Variants in RADX observed in about 807,000 individuals in gnomAD.
RADX encodes the protein RPA-related protein RADX.
RADX carries 36 observed loss-of-function variants against 61.6 expected under a neutral mutation model. That is an observed-to-expected ratio of 0.58 (90% confidence interval 0.45 to 0.77). The LOEUF (loss-of-function observed/expected upper bound fraction) is 0.77, where lower values mean the gene tolerates loss of function less well. RADX is among the 30% of genes least tolerant of loss of function. The pLI is 0.00. For missense variants in RADX, 497 were observed against 651.1 expected (o/e 0.76, Z 2.58); for synonymous variants, 272 against 237.9 (o/e 1.14, Z -1.32).
chrX:106,649,827 T>C (rs189639528), intron 11 of RADX, among the ~76,000 whole-genome samples: 35 of 111,395 alleles, frequency 3.1e-4, no homozygotes, highest in African/African-American at 1.1e-3. Flanking sequence ...TGCCTTATGG[T>C]AAATCTGGCC....
chrX:106,678,427 T>C lies in RADX; in HGVS notation c.*169T>C. 1 of 340,716 alleles carries C rather than the reference T, an allele frequency of 2.9e-6. No homozygotes were observed. Among genetic ancestry groups the C allele is most frequent in the Non-Finnish European group, 5.1e-6 (1 of 196,482 alleles). 28.1% of individuals were successfully genotyped at this position (340,716 alleles called of 1,213,427 possible). ...GTGTTTAGGGAGCTTTTTAAAACAC[T>C]TCATTTCAGATTCATTATTGAAAAA... On this transcript the variant is annotated 3_prime_UTR_variant, in exon 14 of 14. Transcript: ENST00000372548.
chrX:106,674,944 A>G (rs1928469595), intron 13 of RADX, among the ~76,000 whole-genome samples: 1 of 108,917 alleles, frequency 9.2e-6, no homozygotes, highest in Admixed American at 9.8e-5. Flanking sequence ...GAATTGCTTG[A>G]ACCCGGGAGG....
At chrX:106,617,020 GTTTTTTTTTTT>G (rs60413185) in intron 1 of RADX, among the ~76,000 whole-genome samples, 3 of 54,544 alleles carry the variant, frequency 5.5e-5, no homozygotes, top group African/African-American at 2.6e-4. Context: ...GTGTGTGTGG[GTTTTTTTTTTT>G]TTTTTTTTTT....
chrX:106,638,351 C>T (rs1472169873), intron 8 of RADX: 1 of 114,681 alleles, frequency 8.7e-6, no homozygotes, highest in Non-Finnish European at 1.8e-5. Context: ...CAAGCTCCGC[C>T]TCCCGGGTTC....
intron 13 of RADX, among the ~76,000 whole-genome samples, chrX:106,671,019 G>A (rs1251304952): frequency 9.0e-6 from 1 of 111,045 alleles, no homozygotes; most frequent in African/African-American, 3.3e-5. Context: ...GTACACAAAG[G>A]TACCAGGTAA....
chrX:106,662,079 G>A lies in RADX; in HGVS notation c.2043G>A (p.Glu681=). ...KARKTISDRW[E]SQLWREKKFG... ...GAAAAACTATAAGTGATAGGTGGGA[G>A]AGTCAGCTGTGGAGAGAGAAAAAGT... The change falls in exon 12 of 14, where the codon GAG becomes GAA. Residue 681 remains glutamate (E), a synonymous_variant. Coordinates refer to ENST00000372548, the MANE Select transcript of RADX (RefSeq NM_018015.6). 8.3e-7 allele frequency: 1 copy of A among 1,210,110 alleles called. No homozygotes were observed. Among genetic ancestry groups the A allele is most frequent in the Non-Finnish European group, 1.1e-6 (1 of 894,332 alleles).
At chrX:106,667,517 G>C (rs1928258689) in intron 12 of RADX, among the ~76,000 whole-genome samples, 1 of 109,464 alleles carries the variant, frequency 9.1e-6, no homozygotes, top group African/African-American at 3.3e-5. Context: ...TAGAGACAGG[G>C]TTTCACCATG....
intron 1 of RADX, among the ~76,000 whole-genome samples, chrX:106,622,336 T>C (rs193121850): frequency 3.1e-4 from 34 of 109,680 alleles, no homozygotes; most frequent in African/African-American, 1.1e-3. Context: ...GGGAGGTGAG[T>C]TTAAATCCAG....
Position 106,638,050 on chromosome X carries a change from C to T in RADX, c.1573+126C>T, listed in dbSNP as rs767842984. On this transcript the variant is annotated intron_variant, in intron 8 of 13. Coordinates refer to ENST00000372548, the MANE Select transcript of RADX (RefSeq NM_018015.6). Reference sequence around the variant, plus strand: ...TGATCTAAAGTTTAGCAACATTCACCGATAATAGCTTTGTCTTAATGCAGA... The same window carrying T: ...TGATCTAAAGTTTAGCAACATTCACTGATAATAGCTTTGTCTTAATGCAGA... 12 of 521,378 alleles carry T rather than the reference C, an allele frequency of 2.3e-5. No individual in the cohort carries two copies. In the South Asian group the frequency reaches 2.4e-4, roughly 11 times the overall value. The allele number at this position is 521,378 out of a possible 1,213,427, so 43.0% of individuals were successfully genotyped here. A position where few individuals can be genotyped will look rare whatever the true frequency, so the allele number is the denominator to read the frequency against.
chrX:106,650,807 CCA>C (rs907783351), intron 11 of RADX, among the ~76,000 whole-genome samples: 4 of 111,307 alleles, frequency 3.6e-5, no homozygotes, highest in South Asian at 3.7e-4. Flanking sequence ...AAAAAGGTAT[CCA>C]CACACACACT....
chrX:106,671,338 T>G (rs188746491), intron 13 of RADX, among the ~76,000 whole-genome samples: 9 of 111,900 alleles, frequency 8.0e-5, no homozygotes, highest in African/African-American at 2.9e-4. Flanking sequence ...TGTGCCAAAA[T>G]TTATTTGACC....
At chrX:106,658,668 A>G (rs1033386265) in intron 11 of RADX, among the ~76,000 whole-genome samples, 5 of 112,443 alleles carry the variant, frequency 4.4e-5, no homozygotes, top group South Asian at 7.4e-4. Context: ...ATATGTGTCA[A>G]CATGGTCACT....
At chrX:106,619,550 A>C (rs1926892636) in intron 1 of RADX, among the ~76,000 whole-genome samples, 1 of 111,970 alleles carries the variant, frequency 8.9e-6, no homozygotes, top group Non-Finnish European at 1.9e-5. Flanking sequence ...TTTCTTATAA[A>C]ACAATGTGAA....
At chrX:106,626,897 A>G (rs939211534) in intron 3 of RADX, among the ~76,000 whole-genome samples, 3 of 111,909 alleles carry the variant, frequency 2.7e-5, no homozygotes, top group African/African-American at 9.7e-5. Flanking sequence ...GCAATAGACT[A>G]TTTCTGTAAA....
chrX:106,658,834 A>G lies in RADX; in HGVS notation c.1979-3181A>G, dbSNP rs777715148. On this transcript the variant is annotated intron_variant, in intron 11 of 13. Coordinates refer to ENST00000372548, the MANE Select transcript of RADX (RefSeq NM_018015.6). ...ACATACACTTGAAAAGTTAACAGTA[A>G]CACAAGGCATTACAGGTAGCCTCTG... 2.7e-5 allele frequency among the ~76,000 whole-genome samples: 3 copies of G among 111,785 alleles called. No individual in the cohort carries two copies. The South Asian group carries it at 1.1e-3, about 42-fold the overall frequency.
At position 106,640,722 on chromosome X, in the gene RADX, G is replaced by A. The variant is rs1255963999; in HGVS notation, c.1904+1G>A. On this transcript the variant is annotated splice_donor_variant, in intron 10 of 13. Transcript: ENST00000372548. LOFTEE classifies it high-confidence loss of function. ...TTCTTCAAGGCCCACACGCTAATCCGTAAGTCATTTGTATTAAGTATATGT... is the reference window on the plus strand; with the variant it reads ...TTCTTCAAGGCCCACACGCTAATCCATAAGTCATTTGTATTAAGTATATGT... The A allele has an allele frequency of 8.6e-7, 1 of 1,156,521 alleles. No individual in the cohort carries two copies. Among genetic ancestry groups the A allele is most frequent in the East Asian group, 3.0e-5 (1 of 32,887 alleles).
chrX:106,641,035 T>A (rs1186374109), intron 10 of RADX, among the ~76,000 whole-genome samples: 1 of 110,933 alleles, frequency 9.0e-6, no homozygotes, highest in East Asian at 2.9e-4. Context: ...CACCCCAATC[T>A]CTGCCTTCAT....
chrX:106,631,161 T>C (rs140240592), intron 3 of RADX, among the ~76,000 whole-genome samples: 136 of 111,262 alleles, frequency 1.2e-3, no homozygotes, highest in African/African-American at 4.3e-3. Context: ...TAGAGATAAA[T>C]AAACTGGGTA....
intron 8 of RADX, 32 bp downstream of exon 8, chrX:106,637,956 T>TAAACATATTTAGAA: frequency 9.2e-7 from 1 of 1,091,829 alleles, no homozygotes; most frequent in Non-Finnish European, 1.3e-6. Context: ...CTTCTAAATA[T>TAAACATATTTAGAA]GTTTATATTT....
Sources: allele counts gnomAD v4.1 joint callset (sites outside exome capture counted in the v4.1 genomes callset), GRCh38; gene constraint gnomAD v4.1.1; transcripts MANE v1.5; gene names NCBI Gene and HGNC (gene_info 2026-07-23, HGNC 2026-07-21).